The following SLC38A4 variants were observed in gnomAD, a reference collection of about 807,000 sequenced individuals.
The protein encoded by SLC38A4 is sodium-coupled neutral amino acid transporter 4.
Under a neutral mutation model 63.1 loss-of-function variants are expected in SLC38A4, and 20 were observed. The observed-to-expected ratio is 0.32, with a 90% CI of 0.22 to 0.46. The LOEUF (loss-of-function observed/expected upper bound fraction) is 0.46. SLC38A4 is among the 20% of genes least tolerant of loss of function. SLC38A4 has a pLI of 1.00. For synonymous variants in SLC38A4, 230 were observed against 225.5 expected (o/e 1.02, Z -0.18); for missense variants, 526 against 663.6 (o/e 0.79, Z 2.28).
intron 2 of SLC38A4, among the ~76,000 whole-genome samples, chr12:46,794,297 A>G (rs1489559572): frequency 6.6e-6 from 1 of 152,148 alleles, no homozygotes; most frequent in African/African-American, 2.4e-5. Flanking sequence ...AAATTACAAA[A>G]CATATAGAAC....
Position 46,769,554 on chromosome 12 carries a change from C to CT in SLC38A4, c.1300-127dup, listed in dbSNP as rs933800134. On this transcript the variant is annotated intron_variant, in intron 14 of 16. Transcript: ENST00000266579. Reference sequence around the variant, plus strand: ...TTTTTTCCCAGAAAAGATGTTGATGCTTTTTTCAATTTTTTTATTATTATA... The same window carrying CT: ...TTTTTTCCCAGAAAAGATGTTGATGCTTTTTTTCAATTTTTTTATTATTATA... 7 of 1,050,856 alleles carry CT rather than the reference C, an allele frequency of 6.7e-6. No homozygotes were observed. In the African/African-American group the frequency reaches 9.7e-5, roughly 15 times the overall value. The allele number at this position is 1,050,856 out of a possible 1,614,324, so 65.1% of individuals were successfully genotyped here.
At chr12:46,791,090 T>A (rs566898440) in intron 3 of SLC38A4, among the ~76,000 whole-genome samples, 2 of 152,294 alleles carry the variant, frequency 1.3e-5, no homozygotes, top group African/African-American at 4.8e-5. Flanking sequence ...CTTAGGAGGG[T>A]GTCCCCTTTA....
At chr12:46,781,687 G>A (rs80298832) in intron 7 of SLC38A4, among the ~76,000 whole-genome samples, 4 of 152,042 alleles carry the variant, frequency 2.6e-5, no homozygotes, top group Non-Finnish European at 4.4e-5. Context: ...GTGATGTTAC[G>A]ATATTTCATC....
At chr12:46,816,281 A>C (rs778410006) in intron 1 of SLC38A4, among the ~76,000 whole-genome samples, 6 of 151,874 alleles carry the variant, frequency 4.0e-5, no homozygotes, top group Non-Finnish European at 2.9e-5. Flanking sequence ...TTACAAAAGG[A>C]ATCTTAAAGG....
chr12:46,828,300 A>G (rs977039736), upstream of SLC38A4, among the ~76,000 whole-genome samples: 2 of 151,142 alleles, frequency 1.3e-5, no homozygotes, highest in African/African-American at 4.9e-5. Context: ...CCTTTTTTTT[A>G]TTTTTATTTT....
At chr12:46,793,284 G>A in intron 2 of SLC38A4, 101 bp from the exon 3 acceptor site, 18 of 334,474 alleles carry the variant, frequency 5.4e-5, no homozygotes, top group South Asian at 3.4e-4. Context: ...AAGGGAGGAA[G>A]GAAAGAAACT....
At chr12:46,786,215 C>T (rs928984500) in intron 5 of SLC38A4, among the ~76,000 whole-genome samples, 5 of 151,898 alleles carry the variant, frequency 3.3e-5, no homozygotes, top group Non-Finnish European at 7.4e-5. Context: ...ATTTTGTTCC[C>T]TGGAAAAATA....
chr12:46,768,231 G>T, intron 16 of SLC38A4, 79 bp downstream of exon 16: 1 of 1,052,698 alleles, frequency 9.5e-7, no homozygotes, highest in Non-Finnish European at 1.4e-6. Context: ...TCATTTTTCT[G>T]AACTATGTGT....
chr12:46,831,203 G>A (rs1939726930), intron 1 of SLC38A4, among the ~76,000 whole-genome samples: 1 of 152,152 alleles, frequency 6.6e-6, no homozygotes, highest in Non-Finnish European at 1.5e-5. Context: ...GCTAGATGAA[G>A]AGTACCTCAC....
At position 46,786,773 on chromosome 12, in the gene SLC38A4, T is replaced by C. The variant is rs113014746; in HGVS notation, c.326+1143A>G. ...ACATAAAAGAGTTCAATCAAAGCAC[T>C]AACACAATACAAATATTTATAGTCC... On this transcript the variant is annotated intron_variant, in intron 5 of 16. Coordinates refer to ENST00000266579, the MANE Select transcript of SLC38A4 (RefSeq NM_018018.5). Among the ~76,000 whole-genome samples, 130 of 152,316 alleles carry C rather than the reference T, an allele frequency of 8.5e-4. 2 individuals carry two copies. Among genetic ancestry groups the C allele is most frequent in the African/African-American group, 3.0e-3 (125 of 41,592 alleles).
upstream of SLC38A4, among the ~76,000 whole-genome samples, chr12:46,829,030 A>G (rs1339600536): frequency 6.6e-6 from 1 of 152,162 alleles, no homozygotes; most frequent in East Asian, 1.9e-4. Flanking sequence ...AACAAGCAGG[A>G]GCTTTTGCAT....
intron 1 of SLC38A4, among the ~76,000 whole-genome samples, chr12:46,820,421 T>G (rs1939518528): frequency 6.6e-6 from 1 of 152,052 alleles, no homozygotes; most frequent in Non-Finnish European, 1.5e-5. Context: ...ATTGGAGTCA[T>G]GCAGGATTTG....
intron 1 of SLC38A4, chr12:46,824,431 C>T (rs947792963): frequency 3.3e-5 from 5 of 152,282 alleles, no homozygotes; most frequent in East Asian, 3.9e-4. Context: ...ATTCACATTT[C>T]GTCCTCACAC....
intron 1 of SLC38A4, 117 bp from the exon 2 acceptor site, chr12:46,803,911 T>A (rs1939180592): frequency 6.6e-6 from 1 of 152,074 alleles, no homozygotes; most frequent in African/African-American, 2.4e-5. Flanking sequence ...AATAAAATAA[T>A]CACTGAAAGT....
At chr12:46,825,147 C>T (rs1356215187) in intron 1 of SLC38A4, among the ~76,000 whole-genome samples, 2 of 148,786 alleles carry the variant, frequency 1.3e-5, no homozygotes, top group Non-Finnish European at 3.0e-5. Flanking sequence ...CAACTGGATG[C>T]GAACCTATAA....
At chr12:46,819,870 A>C (rs2120917395) in intron 1 of SLC38A4, among the ~76,000 whole-genome samples, 1 of 152,076 alleles carries the variant, frequency 6.6e-6, no homozygotes, top group Middle Eastern at 3.4e-3. Context: ...TCTTTCAGTC[A>C]ACCAGAAGTA....
upstream of SLC38A4, among the ~76,000 whole-genome samples, chr12:46,826,914 A>C (rs377658126): frequency 5.3e-5 from 8 of 152,344 alleles, no homozygotes; most frequent in East Asian, 1.3e-3. Flanking sequence ...TATTTGAAGA[A>C]TATTTTCTGT....
intron 13 of SLC38A4, among the ~76,000 whole-genome samples, chr12:46,776,398 T>A (rs1938525598): frequency 6.6e-6 from 1 of 152,020 alleles, no homozygotes; most frequent in African/African-American, 2.4e-5. Flanking sequence ...TCTTAGGAAA[T>A]CATTTAGTAT....
At position 46,807,904 on chromosome 12, in the gene SLC38A4, G is replaced by T. The variant is rs1328038709; in HGVS notation, c.-304-4110C>A. ...ATTAAATGTTACCCCCCCCCCCAAA[G>T]CCACATATAAAATTAATTGCAAACA... On this transcript the variant is annotated intron_variant, in intron 1 of 16. Transcript: ENST00000266579. Among the ~76,000 whole-genome samples the T allele has an allele frequency of 5.9e-5, 8 of 136,002 alleles. 1 individual carries two copies. The South Asian group carries it at 1.9e-3, about 33-fold the overall frequency. 89.2% of individuals were successfully genotyped at this position (136,002 alleles called of 152,430 possible). A position where few individuals can be genotyped will look rare whatever the true frequency, so the allele number is the denominator to read the frequency against.
Sources: allele counts gnomAD v4.1 joint callset (sites outside exome capture counted in the v4.1 genomes callset), GRCh38; gene constraint gnomAD v4.1.1; transcripts MANE v1.5; gene names NCBI Gene and HGNC (gene_info 2026-07-23, HGNC 2026-07-21).